The following ARHGEF4 variants were observed in gnomAD, a reference collection of about 807,000 sequenced individuals.
ARHGEF4 encodes the protein Rho guanine nucleotide exchange factor 4.
A neutral mutation model predicts 162.0 loss-of-function variants in ARHGEF4; 119 were observed. The observed-to-expected ratio is 0.73, with a 90% confidence interval of 0.63 to 0.86. The LOEUF is 0.86. Ranked by LOEUF, ARHGEF4 falls within the 40% of genes least tolerant of loss-of-function variation. The pLI, the probability that ARHGEF4 is intolerant of heterozygous loss-of-function variation, is 0.00. For missense variants in ARHGEF4, 2,488 were observed against 2,456.0 expected, an observed-to-expected ratio of 1.01 and a Z score of -0.28; for synonymous variants, 1,014 against 979.9, an observed-to-expected ratio of 1.03 and a Z score of -0.65.
intron 4 of ARHGEF4, among the ~76,000 whole-genome samples, chr2:131,011,270 A>G (rs1573604873): frequency 6.6e-6 from 1 of 152,226 alleles, no homozygotes; most frequent in African/African-American, 2.4e-5. Context: ...ATTTATCCCA[A>G]CCTTAGCCCC....
intron 4 of ARHGEF4, among the ~76,000 whole-genome samples, chr2:131,007,392 A>C (rs767101542): frequency 6.6e-6 from 1 of 152,188 alleles, no homozygotes; most frequent in Non-Finnish European, 1.5e-5. Flanking sequence ...CTTCAAATAG[A>C]TAGTTATTAC....
chr2:130,913,649 TGAA>T (rs1681324167), intron 1 of ARHGEF4, among the ~76,000 whole-genome samples: 3 of 152,264 alleles, frequency 2.0e-5, no homozygotes, highest in Admixed American at 1.3e-4. Flanking sequence ...TCCTTCTTGC[TGAA>T]AACGTTAGGC....
At chr2:130,966,884 C>T (rs567122643) in intron 4 of ARHGEF4, among the ~76,000 whole-genome samples, 2 of 152,264 alleles carry the variant, frequency 1.3e-5, no homozygotes, top group South Asian at 4.1e-4. Flanking sequence ...CCCACTGAGT[C>T]GCCATTGATT....
chr2:130,891,539 G>T (rs190664580), intron 1 of ARHGEF4, among the ~76,000 whole-genome samples: 20 of 152,312 alleles, frequency 1.3e-4, no homozygotes, highest in African/African-American at 4.8e-4. Context: ...AAACTGGGTG[G>T]TGTAAATAAC....
chr2:131,040,682 G>A (rs1168909894), intron 8 of ARHGEF4, among the ~76,000 whole-genome samples: 1 of 152,224 alleles, frequency 6.6e-6, no homozygotes, highest in South Asian at 2.1e-4. Flanking sequence ...CGTCCCCCAG[G>A]AAGGACTTGC....
At chr2:130,850,053 C>G (rs553273737) in intron 1 of ARHGEF4, among the ~76,000 whole-genome samples, 1 of 152,306 alleles carries the variant, frequency 6.6e-6, no homozygotes, top group Admixed American at 6.5e-5. Flanking sequence ...TGTGGCATCC[C>G]AGGGAGGTCC....
In ARHGEF4 at chr2:130,960,046, C is replaced by T. The variant is rs571681957; in HGVS notation, c.3985+13411C>T. ...TTATTAATTCATACATACATAATCA[C>T]GTTGCATGCATATACACACAATATA... On this transcript the variant is annotated intron_variant, in intron 4 of 13. Transcript: ENST00000409359. Among the ~76,000 whole-genome samples the T allele has an allele frequency of 5.3e-5, 8 of 152,266 alleles. No homozygotes were observed. In the South Asian group the frequency reaches 6.2e-4, roughly 12 times the overall value.
chr2:130,962,265 G>T (rs1684672289), intron 4 of ARHGEF4, among the ~76,000 whole-genome samples: 4 of 150,046 alleles, frequency 2.7e-5, no homozygotes. Flanking sequence ...GGAAGCAGAG[G>T]CTGGAAGGTT....
chr2:130,849,552 T>C (rs1326399597), intron 1 of ARHGEF4, among the ~76,000 whole-genome samples: 2 of 150,470 alleles, frequency 1.3e-5, no homozygotes, highest in Non-Finnish European at 3.0e-5. Context: ...ACACCTCCTT[T>C]CCATGATCTA....
chr2:131,003,358 T>A (rs1228812197), intron 4 of ARHGEF4, among the ~76,000 whole-genome samples: 2 of 152,364 alleles, frequency 1.3e-5, no homozygotes, highest in African/African-American at 4.8e-5. Context: ...TCCTGGCACA[T>A]GATGACCACT....
At chr2:130,921,012 A>C in intron 2 of ARHGEF4, among the ~76,000 whole-genome samples, 1 of 149,922 alleles carries the variant, frequency 6.7e-6, no homozygotes. Context: ...CCTTCCTGCC[A>C]CCTCCCTTCC....
chr2:130,882,213 T>A (rs549727568), intron 1 of ARHGEF4, among the ~76,000 whole-genome samples: 3 of 152,204 alleles, frequency 2.0e-5, no homozygotes, highest in African/African-American at 4.8e-5. Context: ...AGAGAGGAAA[T>A]CATTTAGGAA....
chr2:130,962,809 C>T (rs542023394), intron 4 of ARHGEF4, among the ~76,000 whole-genome samples: 1 of 108,194 alleles, frequency 9.2e-6, no homozygotes, highest in Non-Finnish European at 1.8e-5. Context: ...TACATGGGGT[C>T]GGGGCGGGGA....
At position 131,044,339 on chromosome 2, in the gene ARHGEF4, T is replaced by C. The variant is rs1558903331; in HGVS notation, c.5198T>C (p.Leu1733Pro). ...RRDVLYYKGR[L>P]DMDGLEVVDL... ...GACGTGTTGTACTACAAGGGCCGGC[T>C]GGACATGGACGGCCTGGAGGTGGTG... is the stretch of plus-strand genomic sequence containing the variant. The change falls in exon 12 of 14, where the codon CTG becomes CCG. Residue 1733 changes from leucine to proline, a missense_variant. Leu to Pro is a moderately conservative substitution (Grantham distance 98). Coordinates refer to ENST00000409359, the MANE Select transcript of ARHGEF4 (RefSeq NM_001367493.1). 1 of 1,609,110 alleles carries C rather than the reference T, an allele frequency of 6.2e-7. No individual in the cohort carries two copies. The highest frequency in any genetic ancestry group is 8.5e-7 in the Non-Finnish European group (1 of 1,178,246).
intron 4 of ARHGEF4, among the ~76,000 whole-genome samples, chr2:130,993,188 T>TATGA (rs1687159742): frequency 6.6e-6 from 1 of 152,252 alleles, no homozygotes. Context: ...CTAACAGTTT[T>TATGA]TTAATCATTT....
rs1254505826 is a variant in ARHGEF4, at chr2:131,043,457, A to T, written c.5031A>T (p.Glu1677Asp). 1.9e-6 allele frequency: 3 copies of T among 1,613,938 alleles called. No homozygotes were observed. Among genetic ancestry groups the T allele is most frequent in the South Asian group, 2.2e-5 (2 of 91,082 alleles). ...WQSSIEDWEG[E>D]DLLVRSSELI... Reference sequence around the variant, plus strand: ...TCTCCTTGGGATCTTCCCAGGGAGAAGATCTCTTGGTCAGGAGCTCAGAAC... The same window carrying T: ...TCTCCTTGGGATCTTCCCAGGGAGATGATCTCTTGGTCAGGAGCTCAGAAC... The change falls in exon 11 of 14, where the codon GAA becomes GAT. Residue 1677 changes from glutamate to aspartate, a missense_variant. This residue lies in a region of ARHGEF4 where 415 missense variants were observed against 512.4 expected (regional missense o/e 0.81). Coordinates refer to ENST00000409359, the MANE Select transcript of ARHGEF4 (RefSeq NM_001367493.1).
At chr2:131,031,747 C>T (rs1689866684) in intron 5 of ARHGEF4, among the ~76,000 whole-genome samples, 1 of 152,242 alleles carries the variant, frequency 6.6e-6, no homozygotes, top group Admixed American at 6.5e-5. Flanking sequence ...CCTCTAGGGC[C>T]TACCCCCAAG....
At chr2:130,882,380 C>T (rs565671354) in intron 1 of ARHGEF4, among the ~76,000 whole-genome samples, 3 of 152,178 alleles carry the variant, frequency 2.0e-5, no homozygotes, top group East Asian at 1.9e-4. Flanking sequence ...GCTGGACGCC[C>T]GTGGTCAGGT....
intron 4 of ARHGEF4, among the ~76,000 whole-genome samples, chr2:130,966,004 T>A (rs1013793584): frequency 6.6e-6 from 1 of 152,136 alleles, no homozygotes; most frequent in Non-Finnish European, 1.5e-5. Flanking sequence ...TCAGAGTTGA[T>A]GTGAGACCCA....
Sources: allele counts gnomAD v4.1 joint callset (sites outside exome capture counted in the v4.1 genomes callset), GRCh38; gene constraint gnomAD v4.1.1; regional missense constraint gnomAD v4.1.1; transcripts MANE v1.5; gene names NCBI Gene and HGNC (gene_info 2026-07-23, HGNC 2026-07-21).